Variants in XKR6 observed in about 807,000 individuals in gnomAD.
The protein encoded by XKR6 is XK related 6.
XKR6 carries 22 observed loss-of-function variants against 56.7 expected under a neutral mutation model. The observed-to-expected ratio is 0.39, with a 90% CI of 0.28 to 0.55. The LOEUF is 0.55. Among genes scored for constraint, XKR6 ranks in the 20% least tolerant of loss-of-function variants. The pLI is 0.66. For missense variants in XKR6, 852 were observed against 889.0 expected (o/e 0.96, Z 0.53); for synonymous variants, 524 against 387.8 (o/e 1.35, Z -4.13).
chr8:10,974,831 G>C (rs1802505769), intron 1 of XKR6, among the ~76,000 whole-genome samples: 2 of 152,202 alleles, frequency 1.3e-5, no homozygotes, highest in Non-Finnish European at 2.9e-5. Context: ...ATGGCAGTTG[G>C]TGTTCAGCAG....
At chr8:10,919,094 T>C (rs961524365) in intron 2 of XKR6, among the ~76,000 whole-genome samples, 4 of 152,178 alleles carry the variant, frequency 2.6e-5, no homozygotes, top group South Asian at 2.1e-4. Context: ...CTTTTCCCAA[T>C]TGGGGCCCTG....
In XKR6 at chr8:10,897,072, T is replaced by C. The variant is rs1045991488; in HGVS notation, c.*880A>G. The C allele has an allele frequency of 6.6e-6, 1 of 152,656 alleles. No individual in the cohort carries two copies. Among genetic ancestry groups the C allele is most frequent in the Admixed American group, 6.5e-5 (1 of 15,286 alleles). The allele number at this position is 152,656 out of a possible 1,614,324, so 9.5% of individuals were successfully genotyped here. A position where few individuals can be genotyped will look rare whatever the true frequency, so the allele number is the denominator to read the frequency against. ...CTTACCGAATTATTGCGGTGGCTTTTTGTTTTGTTCTGGTTTGCTTTTCAC... is the reference window on the plus strand; with the variant it reads ...CTTACCGAATTATTGCGGTGGCTTTCTGTTTTGTTCTGGTTTGCTTTTCAC... On this transcript the variant is annotated 3_prime_UTR_variant, in exon 3 of 3. Transcript: ENST00000416569.
At chr8:11,123,979 G>A (rs768268890) in intron 1 of XKR6, 9 of 456,036 alleles carry the variant, frequency 2.0e-5, no homozygotes, top group South Asian at 1.4e-4. Context: ...CAGAGGCACT[G>A]CCGTGAGCAG....
intron 1 of XKR6, among the ~76,000 whole-genome samples, chr8:11,008,095 C>T (rs1452990410): frequency 1.3e-5 from 2 of 152,180 alleles, no homozygotes; most frequent in African/African-American, 2.4e-5. Context: ...CACCTGTGCA[C>T]CTGGGGGAAG....
intron 1 of XKR6, among the ~76,000 whole-genome samples, chr8:10,963,078 C>T (rs556350216): frequency 2.0e-5 from 3 of 152,336 alleles, no homozygotes; most frequent in East Asian, 3.9e-4. Flanking sequence ...CGCCCAACAG[C>T]GCCAGACCAA....
rs60435831 is a variant in XKR6, at chr8:11,106,863, A to AAAAAAAAAAAAAAAAAAAG, written c.764+93712_764+93713insCTTTTTTTTTTTTTTTTTT. On this transcript the variant is annotated intron_variant, in intron 1 of 2. Coordinates refer to ENST00000416569, the MANE Select transcript of XKR6 (RefSeq NM_173683.4). ...GAGACTTCATCTCAAAAAAAAAAAA[A>AAAAAAAAAAAAAAAAAAAG]AATAAAAAAGATACAACGTTACAAA... Among the ~76,000 whole-genome samples, 555 of 109,872 alleles carry AAAAAAAAAAAAAAAAAAAG rather than the reference A, an allele frequency of 5.1e-3. 88 individuals are homozygous for AAAAAAAAAAAAAAAAAAAG. Among genetic ancestry groups the AAAAAAAAAAAAAAAAAAAG allele is most frequent in the African/African-American group, 0.024 (514 of 21,594 alleles). The allele number at this position is 109,872 out of a possible 152,430, so 72.1% of individuals were successfully genotyped here.
intron 1 of XKR6, among the ~76,000 whole-genome samples, chr8:11,082,161 C>T (rs1377035529): frequency 2.0e-5 from 3 of 152,184 alleles, no homozygotes; most frequent in Admixed American, 6.5e-5. Flanking sequence ...ATTCAAGGAG[C>T]CAATTTCTGC....
intron 1 of XKR6, among the ~76,000 whole-genome samples, chr8:10,942,452 CTCCTGCTCCCAGGACT>C (rs1268199969): frequency 1.6e-4 from 24 of 152,226 alleles, no homozygotes; most frequent in Admixed American, 1.2e-3. Flanking sequence ...TGTGCTTCCC[CTCCTGCTCCCAGGACT>C]TCCTGCTCCC....
intron 1 of XKR6, among the ~76,000 whole-genome samples, chr8:11,051,966 G>C (rs1034805888): frequency 6.6e-6 from 1 of 152,184 alleles, no homozygotes; most frequent in Non-Finnish European, 1.5e-5. Flanking sequence ...GCACAGGTAT[G>C]CGTGTGCCAT....
chr8:10,959,370 A>G (rs1801993815), intron 1 of XKR6, among the ~76,000 whole-genome samples: 1 of 152,006 alleles, frequency 6.6e-6, no homozygotes, highest in African/African-American at 2.4e-5. Flanking sequence ...TTATAGGGAG[A>G]CTGGTTTTGG....
intron 1 of XKR6, among the ~76,000 whole-genome samples, chr8:11,099,922 G>C (rs1288078170): frequency 6.6e-6 from 1 of 152,214 alleles, no homozygotes; most frequent in Non-Finnish European, 1.5e-5. Flanking sequence ...ACATGGGGAG[G>C]AGCATCCTAG....
At chr8:11,069,147 G>A (rs558006841) in intron 1 of XKR6, among the ~76,000 whole-genome samples, 3 of 152,038 alleles carry the variant, frequency 2.0e-5, no homozygotes, top group African/African-American at 7.2e-5. Flanking sequence ...CAGAAACATG[G>A]CCCTAGGATC....
intron 2 of XKR6, among the ~76,000 whole-genome samples, chr8:10,912,140 G>A (rs1185575248): frequency 1.4e-5 from 2 of 147,444 alleles, no homozygotes; most frequent in Non-Finnish European, 3.0e-5. Flanking sequence ...AGAGAGAGGT[G>A]TATATATAGA....
chr8:11,118,581 C>G (rs1213657817), intron 1 of XKR6, among the ~76,000 whole-genome samples: 1 of 152,184 alleles, frequency 6.6e-6, no homozygotes, highest in Non-Finnish European at 1.5e-5. Context: ...TCTAGACTTT[C>G]TAGTTTATTT....
At chr8:11,137,895 A>G (rs1800488237) in intron 1 of XKR6, 10 of 356,654 alleles carry the variant, frequency 2.8e-5, no homozygotes, top group South Asian at 2.2e-4. Context: ...AAAGAATAAG[A>G]CTTAGGTCCA....
intron 1 of XKR6, among the ~76,000 whole-genome samples, chr8:11,103,630 C>T (rs1283845045): frequency 1.3e-5 from 2 of 152,086 alleles, no homozygotes; most frequent in African/African-American, 2.4e-5. Flanking sequence ...TAAAGAAAAT[C>T]CTAATTCCTA....
intron 1 of XKR6, among the ~76,000 whole-genome samples, chr8:10,962,769 G>C (rs1802102012): frequency 6.6e-6 from 1 of 151,958 alleles, no homozygotes; most frequent in Non-Finnish European, 1.5e-5. Context: ...GGGATTACAG[G>C]CCCCCGCCAC....
intron 2 of XKR6, among the ~76,000 whole-genome samples, chr8:10,902,833 A>G (rs2129107407): frequency 6.6e-6 from 1 of 152,244 alleles, no homozygotes; most frequent in South Asian, 2.1e-4. Context: ...AGGGGCGAGA[A>G]TGATCCTGCA....
intron 1 of XKR6, among the ~76,000 whole-genome samples, chr8:10,988,076 C>G (rs56805382): frequency 6.6e-6 from 1 of 152,184 alleles, no homozygotes; most frequent in Admixed American, 6.5e-5. Context: ...GGGCTGTTCC[C>G]GGGCCATCCC....
Sources: allele counts gnomAD v4.1 joint callset (sites outside exome capture counted in the v4.1 genomes callset), GRCh38; gene constraint gnomAD v4.1.1; transcripts MANE v1.5; gene names NCBI Gene and HGNC (gene_info 2026-07-23, HGNC 2026-07-21).